The following SREBF2 variants were observed in gnomAD, a reference collection of about 807,000 sequenced individuals.
SREBF2 encodes the protein sterol regulatory element binding transcription factor 2.
In SREBF2, 55 loss-of-function variants were observed where a neutral mutation model predicts 113.1. The observed-to-expected ratio is 0.49, with a 90% confidence interval of 0.39 to 0.61. The LOEUF (loss-of-function observed/expected upper bound fraction) is 0.61. Among genes scored for constraint, SREBF2 ranks in the 20% least tolerant of loss-of-function variants. The probability of loss-of-function intolerance (pLI) is 0.00; values close to 1 mark genes in which losing one functional copy is unlikely to be tolerated. For missense variants in SREBF2, 1,349 were observed against 1,487.4 expected (o/e 0.91, Z 1.53); for synonymous variants, 593 against 605.7 (o/e 0.98, Z 0.31).
rs756489276 is a variant in SREBF2 at position 41,864,223 on chromosome 22, CATATAT to C, written c.89-2574_89-2569del. Among the ~76,000 whole-genome samples the C allele has an allele frequency of 2.8e-3, 129 of 46,332 alleles. 1 individual carries two copies. Among genetic ancestry groups the C allele is most frequent in the South Asian group, 8.6e-3 (9 of 1,042 alleles). The allele number at this position is 46,332 out of a possible 152,430, so 30.4% of individuals were successfully genotyped here. A position where few individuals can be genotyped will look rare whatever the true frequency, so the allele number is the denominator to read the frequency against. On this transcript the variant is annotated intron_variant, in intron 1 of 18. Coordinates refer to ENST00000361204, the MANE Select transcript of SREBF2 (RefSeq NM_004599.4). Reference sequence around the variant, plus strand: ...TTTATTTTTCCTATCCTTCTGCAAGCATATATATATATATATATATATATATATATA... The same window carrying C: ...TTTATTTTTCCTATCCTTCTGCAAGCATATATATATATATATATATATATA...
intron 16 of SREBF2, 30 bp from the exon 17 acceptor site, chr22:41,902,940 G>A (rs1340668332): frequency 1.3e-6 from 2 of 1,597,588 alleles, no homozygotes; most frequent in Non-Finnish European, 1.7e-6. Context: ...CCAGTCACCT[G>A]TCTCCCCTCT....
In SREBF2 at chr22:41,878,085, T is replaced by C; in HGVS notation, c.1723T>C (p.Trp575Arg). ...ACACTCGCGCTCCTCGGTCACCTTC[T>C]GGAGGCACCGGAAACAGGCAGATCT... is the stretch of plus-strand genomic sequence containing the variant. ...RPHSRSSVTFWRHRKQADLDL... is the reference protein window; with the variant it reads ...RPHSRSSVTFRRHRKQADLDL... Residue 575 changes from tryptophan to arginine, a missense_variant, in exon 9 of 19, where the codon TGG (tryptophan) becomes CGG (arginine). Around this residue, in one of 2 missense-constraint regions of SREBF2, gnomAD observed 699 missense variants for 843.3 expected, o/e 0.83. Transcript: ENST00000361204. 1 of 1,614,208 alleles carries C rather than the reference T, an allele frequency of 6.2e-7. No homozygotes were observed.
In SREBF2 at chr22:41,904,971, C is replaced by T. The variant is rs368800610; in HGVS notation, c.3202C>T (p.His1068Tyr). The change falls in exon 18 of 19, where the codon CAC becomes TAC. Residue 1068 changes from histidine (H) to tyrosine (Y), a missense_variant. Transcript: ENST00000361204. ...LRRRTTQSTK[H>Y]GEVDAWPGQR... is the part of the protein sequence containing the mutation. ...GCGGCGCACCACGCAGAGCACCAAG[C>T]ACGGTGAGTCCACCCCTCCCCAGCT... The T allele has an allele frequency of 1.8e-5, 28 of 1,589,914 alleles. No individual in the cohort carries two copies. Among genetic ancestry groups the T allele is most frequent in the Admixed American group, 3.5e-5 (2 of 57,758 alleles).
Position 41,867,044 on chromosome 22 carries a change from C to G in SREBF2, c.302C>G (p.Ser101Cys). The G allele has an allele frequency of 3.1e-6, 5 of 1,614,212 alleles. No individual in the cohort carries two copies. The highest frequency in any genetic ancestry group is 3.4e-6 in the Non-Finnish European group (4 of 1,180,046). Residue 101 changes from serine (S) to cysteine (C), a missense_variant, in exon 2 of 19, where the codon TCT becomes TGT. Physicochemically the swap from Ser to Cys is moderately radical, Grantham distance 112. Transcript: ENST00000361204. ...ACCCAGGTCACATTACCTTCCTTCT[C>G]TCCCTCGGCGGCCTCCCCACAGGCT... The part of the protein sequence containing the change: ...SFTQVTLPSF[S>C]PSAASPQAPT...
At position 41,878,025 on chromosome 22, in the gene SREBF2, A is replaced by T; in HGVS notation, c.1663A>T (p.Lys555Ter). Residue 555 changes from lysine to a stop codon, truncating the protein, a stop_gained, in exon 9 of 19, where the codon AAG (lysine) becomes TAG (stop). Transcript: ENST00000361204. LOFTEE classifies it high-confidence loss of function. Reference sequence around the variant, plus strand: ...TGTGATTGTCCTGAGCGTCTTTGTGAAGCTGCTGGTTCATGGGGAGCCAGT... The same window carrying T: ...TGTGATTGTCCTGAGCGTCTTTGTGTAGCTGCTGGTTCATGGGGAGCCAGT... ...NGVIVLSVFV[K>*]LLVHGEPVIR... 6.2e-7 allele frequency: 1 copy of T among 1,614,006 alleles called. No individual in the cohort carries two copies. Among genetic ancestry groups the T allele is most frequent in the Non-Finnish European group, 8.5e-7 (1 of 1,180,018 alleles).
chr22:41,842,850 C>T (rs145735201), intron 1 of SREBF2, among the ~76,000 whole-genome samples: 10 of 152,160 alleles, frequency 6.6e-5, no homozygotes, highest in African/African-American at 2.2e-4. Flanking sequence ...ATTAGCCGGG[C>T]GTGGTGGCAT....
At chr22:41,851,284 G>A (rs1470095855) in intron 1 of SREBF2, among the ~76,000 whole-genome samples, 3 of 151,882 alleles carry the variant, frequency 2.0e-5, no homozygotes, top group Admixed American at 6.6e-5. Flanking sequence ...AATATCAATA[G>A]TGCAACCACT....
rs767115550 is a variant in SREBF2 at position 41,833,547 on chromosome 22, G to C, written c.88+189G>C. ...AGCGTGAGCCCGACCCAGCTGCGCC[G>C]CTCCGGGAGGCCGTGGGATCTGGGG... On this transcript the variant is annotated intron_variant, in intron 1 of 18. Transcript: ENST00000361204. The surrounding 1 kb of genome is among the most constrained non-coding windows in gnomAD (Gnocchi z 4.1). 2.1e-6 allele frequency: 1 copy of C among 474,792 alleles called. No homozygotes were observed. Among genetic ancestry groups the C allele is most frequent in the Non-Finnish European group, 3.6e-6 (1 of 277,260 alleles). The allele number at this position is 474,792 out of a possible 1,614,324, so 29.4% of individuals were successfully genotyped here.
intron 1 of SREBF2, among the ~76,000 whole-genome samples, chr22:41,847,338 A>G (rs985675037): frequency 1.3e-5 from 2 of 152,200 alleles, no homozygotes; most frequent in Admixed American, 1.3e-4. Context: ...ATGCAGGATC[A>G]GTTCCTTGGA....
At chr22:41,897,360 G>C (rs898777735) in intron 14 of SREBF2, among the ~76,000 whole-genome samples, 199 bp downstream of exon 14, 11 of 152,314 alleles carry the variant, frequency 7.2e-5, no homozygotes, top group Admixed American at 2.0e-4. Flanking sequence ...TTTCAGAGAA[G>C]TAGGGCAATG....
intron 1 of SREBF2, among the ~76,000 whole-genome samples, chr22:41,866,587 C>G (rs1428323416): frequency 1.3e-5 from 2 of 152,010 alleles, no homozygotes; most frequent in African/African-American, 4.8e-5. Context: ...AGAGAAAGGG[C>G]CTGGAGGTGA....
chr22:41,904,727 T>C (rs1363520780), intron 17 of SREBF2, 136 bp from the exon 18 acceptor site: 2 of 769,398 alleles, frequency 2.6e-6, no homozygotes, highest in East Asian at 5.3e-5. Context: ...AGGTTGCTTT[T>C]CAGGGGTGAG....
chr22:41,903,177 G>C (rs2077479622), intron 17 of SREBF2, 22 bp downstream of exon 17: 6 of 1,546,806 alleles, frequency 3.9e-6, no homozygotes, highest in Non-Finnish European at 4.4e-6. Context: ...CTGGCTGGTG[G>C]GGCAGGGCAG....
chr22:41,880,937 C>T lies in SREBF2; in HGVS notation c.1983C>T (p.Thr661=), dbSNP rs2077239601. 6 of 1,612,638 alleles carry T rather than the reference C, an allele frequency of 3.7e-6. No homozygotes were observed. The highest frequency in any genetic ancestry group is 3.3e-5 in the South Asian group (3 of 91,072). ...TEAGFEDEAK[T]SARDAALAYH... is the part of the protein sequence containing the mutation. ...CAGGCTTTGAAGACGAAGCTAAGAC[C>T]AGCGCCCGGGATGCGGCTCTGGCCT... The change falls in exon 10 of 19, where the codon ACC becomes ACT. Residue 661 remains threonine (T), a synonymous_variant. Transcript: ENST00000361204.
intron 11 of SREBF2, among the ~76,000 whole-genome samples, chr22:41,887,146 T>C (rs1336744069): frequency 1.3e-5 from 2 of 151,194 alleles, no homozygotes; most frequent in East Asian, 3.9e-4. Flanking sequence ...ACCTGGGAAG[T>C]GGAGGTTGTA....
chr22:41,861,721 G>A (rs766977364), intron 1 of SREBF2, among the ~76,000 whole-genome samples: 5 of 152,014 alleles, frequency 3.3e-5, no homozygotes, highest in Admixed American at 2.0e-4. Flanking sequence ...TCAGGAGTTC[G>A]AGACCAGCCT....
In SREBF2 at chr22:41,841,196, T is replaced by C. The variant is rs2148340843; in HGVS notation, c.88+7838T>C. Among the ~76,000 whole-genome samples the C allele has an allele frequency of 2.0e-5, 3 of 152,296 alleles. 1 individual carries two copies. The South Asian group carries it at 6.2e-4, about 32-fold the overall frequency. On this transcript the variant is annotated intron_variant, in intron 1 of 18. Transcript: ENST00000361204. ...AGGTGGGAGAAGAGTGGAAACTGAC[T>C]TCACATTTCTCCAGGGAGGGATGCT...
chr22:41,889,222 G>A (rs1031841073), intron 11 of SREBF2, among the ~76,000 whole-genome samples: 2 of 152,110 alleles, frequency 1.3e-5, no homozygotes, highest in Admixed American at 6.6e-5. Context: ...ACCTCTCTGG[G>A]CTCAAGTGAT....
chr22:41,851,214 T>C (rs950636882), intron 1 of SREBF2, among the ~76,000 whole-genome samples: 6 of 152,238 alleles, frequency 3.9e-5, no homozygotes, highest in Non-Finnish European at 7.3e-5. Flanking sequence ...AAAATATAAA[T>C]ATGCTTTCTA....
Sources: gnomAD v4.1 joint callset for allele counts (sites outside exome capture counted in the v4.1 genomes callset) on GRCh38, gnomAD v4.1.1 for gene constraint, gnomAD v4.1.1 regional missense constraint, Gnocchi (gnomAD v3.1) non-coding constraint, MANE v1.5 for transcripts, NCBI Gene and HGNC (gene_info 2026-07-23, HGNC 2026-07-21) for gene names.